The following OR4P4 variants were observed in gnomAD, a reference collection of about 807,000 sequenced individuals.
OR4P4 encodes the protein olfactory receptor family 4 subfamily P member 4, also known as olfactory receptor 4P4.
In OR4P4, 1 loss-of-function variant was observed where a neutral mutation model predicts 2.1. That is an observed-to-expected ratio of 0.47 (90% CI 0.17 to 2.21). The LOEUF (loss-of-function observed/expected upper bound fraction) is 2.21, where lower values mean the gene tolerates loss of function less well. OR4P4 is among the 30% of genes most tolerant of loss of function. The pLI, the probability that OR4P4 is intolerant of heterozygous loss-of-function variation, is 0.27. For synonymous variants in OR4P4, 129 were observed against 133.2 expected (o/e 0.97, Z 0.22); for missense variants, 375 against 376.5 (o/e 1.00, Z 0.03).
Position 55,639,257 on chromosome 11 carries a change from G to A in OR4P4, c.900G>A (p.Trp300Ter). Residue 300 changes from tryptophan (W) to a stop codon, truncating the protein, a stop_gained, in exon 2 of 2, where the codon TGG (tryptophan) becomes TGA (stop). Coordinates refer to ENST00000641760, the Ensembl canonical transcript of OR4P4. LOFTEE classifies it high-confidence loss of function. ...TGAAGAACGCCATGAGGAAAGTGTG[G>A]TGTTGTCAAATACTCCTGAAAAGAA... 2.7e-6 allele frequency: 4 copies of A among 1,478,308 alleles called. No homozygotes were observed. The highest frequency in any genetic ancestry group is 3.7e-6 in the Non-Finnish European group (4 of 1,090,020). 91.6% of individuals were successfully genotyped at this position (1,478,308 alleles called of 1,614,324 possible). A position where few individuals can be genotyped will look rare whatever the true frequency, so the allele number is the denominator to read the frequency against.
chr11:55,637,303 A>C (rs2120180688), intron 1 of OR4P4, among the ~76,000 whole-genome samples: 1 of 138,384 alleles, frequency 7.2e-6, no homozygotes, highest in South Asian at 2.3e-4. Context: ...AACATACATA[A>C]ATTTGTGAAA....
chr11:55,639,554 T>C lies in OR4P4; in HGVS notation c.*258T>C, dbSNP rs1414857524. On this transcript the variant is annotated 3_prime_UTR_variant, in exon 2 of 2. Transcript: ENST00000641760. ...AGAAAATTTCTTAAAAATAAAGGAT[T>C]ACATGGCGTTGTGTTGAAAAAATAA... The C allele has an allele frequency of 1.2e-4, 38 of 325,276 alleles. 2 individuals carry two copies. Among genetic ancestry groups the C allele is most frequent in the African/African-American group, 7.2e-4 (34 of 47,436 alleles). The allele number at this position is 325,276 out of a possible 1,614,324, so 20.1% of individuals were successfully genotyped here.
At position 55,635,478 on chromosome 11, in the gene OR4P4, T is replaced by C. The variant is rs1858377062; in HGVS notation, c.-31+262T>C. Among the ~76,000 whole-genome samples, 2 of 137,148 alleles carry C rather than the reference T, an allele frequency of 1.5e-5. 1 individual carries two copies. Among genetic ancestry groups the C allele is most frequent in the South Asian group, 4.8e-4 (2 of 4,178 alleles). 90.0% of individuals were successfully genotyped at this position (137,148 alleles called of 152,430 possible). ...CCATCATTTATTTGATTTGGTGATA[T>C]GACAGGTAATAGTTACTAACATGGT... On this transcript the variant is annotated intron_variant, in intron 1 of 1. Transcript: ENST00000641760.
At position 55,637,352 on chromosome 11, in the gene OR4P4, A is replaced by ATATT. The variant is rs1415093995; in HGVS notation, c.-30-976_-30-975insTATT. ...AGAAGCAATTTTAAGAATAATTCAAACTAGTAGTGTATTCAATATTATAAT... is the reference window on the plus strand; with the variant it reads ...AGAAGCAATTTTAAGAATAATTCAAATATTCTAGTAGTGTATTCAATATTATAAT... On this transcript the variant is annotated intron_variant, in intron 1 of 1. Coordinates refer to ENST00000641760, the Ensembl canonical transcript of OR4P4. Among the ~76,000 whole-genome samples the ATATT allele has an allele frequency of 4.3e-5, 6 of 138,548 alleles. 1 individual carries two copies. The Admixed American group carries it at 4.7e-4, about 11-fold the overall frequency. The allele number at this position is 138,548 out of a possible 152,430, so 90.9% of individuals were successfully genotyped here.
In OR4P4 at chr11:55,638,557, C is replaced by T. The variant is rs752899232; in HGVS notation, c.200C>T (p.Ser67Phe). 1.8e-5 allele frequency: 26 copies of T among 1,480,848 alleles called. 6 individuals are homozygous for T. Among genetic ancestry groups the T allele is most frequent in the Non-Finnish European group, 2.2e-5 (24 of 1,088,618 alleles). 91.7% of individuals were successfully genotyped at this position (1,480,848 alleles called of 1,614,324 possible). ...TTCTTCCTCAATTACCTCTCACTCT[C>T]CGACCTTTGCTACACATCCACAGTG... Residue 67 changes from serine to phenylalanine, a missense_variant, in exon 2 of 2, where the codon TCC (serine) becomes TTC (phenylalanine). Physicochemically the swap from Ser to Phe is radical, Grantham distance 155 (BLOSUM62 -2). Transcript: ENST00000641760.
intron 1 of OR4P4, among the ~76,000 whole-genome samples, chr11:55,637,384 C>A (rs946363395): frequency 7.2e-6 from 1 of 138,008 alleles, no homozygotes; most frequent in Non-Finnish European, 1.6e-5. Flanking sequence ...TAATTTTCTT[C>A]TTCAAATAAA....
At chr11:55,635,537 G>A (rs1036965411) in intron 1 of OR4P4, among the ~76,000 whole-genome samples, 1 of 137,008 alleles carries the variant, frequency 7.3e-6, no homozygotes, top group African/African-American at 2.5e-5. Flanking sequence ...ATAAGTTGGG[G>A]AAAATAGAAA....
At chr11:55,637,021 C>T (rs1331101281) in intron 1 of OR4P4, among the ~76,000 whole-genome samples, 1 of 137,684 alleles carries the variant, frequency 7.3e-6, no homozygotes, top group African/African-American at 2.5e-5. Flanking sequence ...AGTAGTTAAA[C>T]ATGGTGGTTC....
rs865938971 is a variant in OR4P4, at chr11:55,640,008, C to A, written c.*712C>A. 6 of 134,766 alleles carry A rather than the reference C, an allele frequency of 4.5e-5. 1 individual carries two copies. The highest frequency in any genetic ancestry group is 3.9e-3 in the Middle Eastern group (1 of 258). 8.3% of individuals were successfully genotyped at this position (134,766 alleles called of 1,614,324 possible). ...AATTAGCTGGGCGCAGGGGCGAGCA[C>A]CTGTAATCCCAGCTACTCGAGAGGC... On this transcript the variant is annotated 3_prime_UTR_variant, in exon 2 of 2. Coordinates refer to ENST00000641760, the Ensembl canonical transcript of OR4P4.
chr11:55,639,754 A>T (rs1274320804), exon 2 of OR4P4: 2 of 143,256 alleles, frequency 1.4e-5, no homozygotes, highest in African/African-American at 5.0e-5. Context: ...GAATTAAGAG[A>T]CAGAAATTAT....
chr11:55,639,405 A>T lies in OR4P4; in HGVS notation c.*109A>T, dbSNP rs1858432945. 3.3e-6 allele frequency: 2 copies of T among 610,544 alleles called. 1 individual carries two copies. The highest frequency in any genetic ancestry group is 7.3e-5 in the Admixed American group (2 of 27,474). The allele number at this position is 610,544 out of a possible 1,614,324, so 37.8% of individuals were successfully genotyped here. The stretch of plus-strand genomic sequence containing the variant: ...AGAAAAGTGGGCAAACAGGAAGCAT[A>T]TCCCTTCTGTGGTTTTATACTTCTA... On this transcript the variant is annotated 3_prime_UTR_variant, in exon 2 of 2. Coordinates refer to ENST00000641760, the Ensembl canonical transcript of OR4P4.
At chr11:55,638,972 T>G (rs1411694516) in exon 2 of OR4P4, 1 of 1,487,380 alleles carries the variant, frequency 6.7e-7, no homozygotes, top group African/African-American at 1.4e-5. Flanking sequence ...GCTTAATTGC[T>G]TTGGTGACAT....
Position 55,639,236 on chromosome 11 carries a change from G to A in OR4P4, c.879G>A (p.Lys293=), listed in dbSNP as rs1382924556. ...ACACGCTGAGAAACACAGAGATGAA[G>A]AACGCCATGAGGAAAGTGTGGTGTT... The change falls in exon 2 of 2, where the codon AAG becomes AAA. Residue 293 remains lysine (K), a synonymous_variant. Coordinates refer to ENST00000641760, the Ensembl canonical transcript of OR4P4. The A allele has an allele frequency of 1.3e-6, 2 of 1,487,214 alleles. 1 individual carries two copies. Among genetic ancestry groups the A allele is most frequent in the Admixed American group, 4.1e-5 (2 of 49,052 alleles). 92.1% of individuals were successfully genotyped at this position (1,487,214 alleles called of 1,614,324 possible).
chr11:55,639,018 T>C (rs755438582), exon 2 of OR4P4: 1 of 1,492,666 alleles, frequency 6.7e-7, no homozygotes, highest in Non-Finnish European at 9.1e-7. Context: ...TTTTATATTG[T>C]ATACCATCAG....
chr11:55,635,473 T>A lies in OR4P4; in HGVS notation c.-31+257T>A, dbSNP rs571131108. ...GCCTCCCATCATTTATTTGATTTGG[T>A]GATATGACAGGTAATAGTTACTAAC... On this transcript the variant is annotated intron_variant, in intron 1 of 1. Coordinates refer to ENST00000641760, the Ensembl canonical transcript of OR4P4. 3.6e-5 allele frequency among the ~76,000 whole-genome samples: 5 copies of A among 137,060 alleles called. 1 individual carries two copies. In the South Asian group the frequency reaches 1.2e-3, roughly 33 times the overall value. 89.9% of individuals were successfully genotyped at this position (137,060 alleles called of 152,430 possible). A position where few individuals can be genotyped will look rare whatever the true frequency, so the allele number is the denominator to read the frequency against.
In OR4P4 at chr11:55,640,182, T is replaced by C. The variant is rs1342882550; in HGVS notation, c.*886T>C. Reference sequence around the variant, plus strand: ...ATAATAATAATAATAATAATGTTTTTATCTTTTCTTGTACTTTGAAGAGTA... The same window carrying C: ...ATAATAATAATAATAATAATGTTTTCATCTTTTCTTGTACTTTGAAGAGTA... On this transcript the variant is annotated 3_prime_UTR_variant, in exon 2 of 2. Transcript: ENST00000641760. 4.4e-5 allele frequency: 6 copies of C among 135,768 alleles called. 2 individuals carry two copies. Among genetic ancestry groups the C allele is most frequent in the Non-Finnish European group, 8.1e-5 (5 of 61,738 alleles). The allele number at this position is 135,768 out of a possible 1,614,324, so 8.4% of individuals were successfully genotyped here. A position where few individuals can be genotyped will look rare whatever the true frequency, so the allele number is the denominator to read the frequency against.
Position 55,639,788 on chromosome 11 carries a change from T to C in OR4P4, c.*492T>C, listed in dbSNP as rs773532019. On this transcript the variant is annotated 3_prime_UTR_variant, in exon 2 of 2. Coordinates refer to ENST00000641760, the Ensembl canonical transcript of OR4P4. Reference sequence around the variant, plus strand: ...ATCAGCACATCAGAGGTCCTCCTTATTCCTCTTTATGATTAATACCTCCCA... The same window carrying C: ...ATCAGCACATCAGAGGTCCTCCTTACTCCTCTTTATGATTAATACCTCCCA... 1.4e-5 allele frequency: 2 copies of C among 140,076 alleles called. 1 individual carries two copies. Among genetic ancestry groups the C allele is most frequent in the Non-Finnish European group, 3.1e-5 (2 of 63,654 alleles). The allele number at this position is 140,076 out of a possible 1,614,324, so 8.7% of individuals were successfully genotyped here. A position where few individuals can be genotyped will look rare whatever the true frequency, so the allele number is the denominator to read the frequency against.
Position 55,640,137 on chromosome 11 carries a change from T to G in OR4P4, c.*841T>G, listed in dbSNP as rs1435356286. 4.5e-5 allele frequency: 6 copies of G among 132,682 alleles called. 2 individuals are homozygous for G. Among genetic ancestry groups the G allele is most frequent in the Non-Finnish European group, 9.9e-5 (6 of 60,624 alleles). 8.2% of individuals were successfully genotyped at this position (132,682 alleles called of 1,614,324 possible). A position where few individuals can be genotyped will look rare whatever the true frequency, so the allele number is the denominator to read the frequency against. ...TGACAGAACAAGATTCCGTCTGAAATAATAATAATAATAATGATAATAATA... is the reference window on the plus strand; with the variant it reads ...TGACAGAACAAGATTCCGTCTGAAAGAATAATAATAATAATGATAATAATA... On this transcript the variant is annotated 3_prime_UTR_variant, in exon 2 of 2. Transcript: ENST00000641760.
chr11:55,639,317 C>T lies in OR4P4; in HGVS notation c.*21C>T, dbSNP rs762476450. 6.2e-5 allele frequency: 78 copies of T among 1,250,106 alleles called. 14 individuals are homozygous for T. The South Asian group carries it at 1.1e-3, about 17-fold the overall frequency. 77.4% of individuals were successfully genotyped at this position (1,250,106 alleles called of 1,614,324 possible). A position where few individuals can be genotyped will look rare whatever the true frequency, so the allele number is the denominator to read the frequency against. On this transcript the variant is annotated 3_prime_UTR_variant, in exon 2 of 2. Transcript: ENST00000641760. ...TCTGAATTGTTTCTGCTTTTCATGC[C>T]GTGGTTCCCTGATGAATGAGAAAAA...
Sources: gnomAD v4.1 joint callset for allele counts (sites outside exome capture counted in the v4.1 genomes callset) on GRCh38, gnomAD v4.1.1 for gene constraint, MANE v1.5 for transcripts, NCBI Gene and HGNC (gene_info 2026-07-23, HGNC 2026-07-21) for gene names.